The following HECW1 variants were observed in gnomAD, a reference collection of about 807,000 sequenced individuals.
HECW1 encodes HECT, C2 and WW domain containing E3 ubiquitin protein ligase 1, also known as E3 ubiquitin-protein ligase HECW1.
In HECW1, 61 loss-of-function variants were observed where a neutral mutation model predicts 182.3. The observed-to-expected ratio is 0.33, with a 90% CI of 0.27 to 0.41. The LOEUF (loss-of-function observed/expected upper bound fraction) is 0.41. Ranked by LOEUF, HECW1 falls within the 10% of genes least tolerant of loss-of-function variation. The pLI, the probability that HECW1 is intolerant of heterozygous loss-of-function variation, is 1.00. For synonymous variants in HECW1, 859 were observed against 832.6 expected, an observed-to-expected ratio of 1.03 and a Z score of -0.55; for missense variants, 1,739 against 2,108.9, an observed-to-expected ratio of 0.82 and a Z score of 3.44.
intron 2 of HECW1, among the ~76,000 whole-genome samples, chr7:43,226,047 A>G (rs993788255): frequency 6.6e-6 from 1 of 152,200 alleles, no homozygotes; most frequent in Non-Finnish European, 1.5e-5. Flanking sequence ...TACTGGGATT[A>G]TAGGTGTCAC....
chr7:43,435,966 C>T (rs2076697892), intron 8 of HECW1, among the ~76,000 whole-genome samples: 1 of 152,064 alleles, frequency 6.6e-6, no homozygotes, highest in Admixed American at 6.5e-5. Flanking sequence ...AGATGGAGAC[C>T]ATCCTGGCTA....
At chr7:43,388,712 T>C (rs2074899557) in intron 6 of HECW1, among the ~76,000 whole-genome samples, 1 of 152,184 alleles carries the variant, frequency 6.6e-6, no homozygotes, top group South Asian at 2.1e-4. Context: ...AACCTCTGCC[T>C]CCTGGGCTCA....
intron 2 of HECW1, among the ~76,000 whole-genome samples, chr7:43,190,125 G>C (rs944362686): frequency 1.3e-5 from 2 of 152,168 alleles, no homozygotes; most frequent in East Asian, 1.9e-4. Flanking sequence ...TTGTTTGTTT[G>C]TTTTTTGAGA....
At chr7:43,514,268 A>T (rs1347937410) in intron 24 of HECW1, among the ~76,000 whole-genome samples, 1 of 151,756 alleles carries the variant, frequency 6.6e-6, no homozygotes, top group East Asian at 1.9e-4. Context: ...AAGTCTTGGA[A>T]TACTATTCCA....
intron 5 of HECW1, among the ~76,000 whole-genome samples, chr7:43,345,659 A>G (rs957367891): frequency 1.3e-5 from 2 of 152,080 alleles, no homozygotes; most frequent in Non-Finnish European, 2.9e-5. Context: ...CAGCTCCCAC[A>G]TATCAGTGAG....
intron 2 of HECW1, among the ~76,000 whole-genome samples, chr7:43,125,145 T>C (rs1479465136): frequency 6.6e-6 from 1 of 152,126 alleles, no homozygotes; most frequent in Non-Finnish European, 1.5e-5. Context: ...GGGCCTCTTT[T>C]ATAAGGGAAC....
At chr7:43,336,164 C>CTCTCTCTCTCTCTCTCTCTCTT (rs1812240873) in intron 5 of HECW1, among the ~76,000 whole-genome samples, 1 of 109,872 alleles carries the variant, frequency 9.1e-6, no homozygotes, top group African/African-American at 4.4e-5. Context: ...CTCTCTCTCT[C>CTCTCTCTCTCTCTCTCTCTCTT]TCTCTCTCTC....
At chr7:43,419,422 A>G (rs1348852763) in intron 8 of HECW1, among the ~76,000 whole-genome samples, 1 of 152,210 alleles carries the variant, frequency 6.6e-6, no homozygotes, top group Non-Finnish European at 1.5e-5. Context: ...CAACAAATGT[A>G]TTTTGTAGCA....
chr7:43,421,550 G>T (rs1562957960), intron 8 of HECW1, among the ~76,000 whole-genome samples: 1 of 152,106 alleles, frequency 6.6e-6, no homozygotes, highest in Admixed American at 6.6e-5. Flanking sequence ...CTAATATCTA[G>T]ACTATAAATA....
At chr7:43,373,451 C>G (rs370825288) in intron 6 of HECW1, among the ~76,000 whole-genome samples, 4 of 152,238 alleles carry the variant, frequency 2.6e-5, no homozygotes, top group African/African-American at 9.6e-5. Context: ...AGCCACCATG[C>G]CCGGCTCCTT....
intron 17 of HECW1, among the ~76,000 whole-genome samples, chr7:43,487,973 A>C (rs1196474168): frequency 1.3e-5 from 2 of 150,408 alleles, no homozygotes; most frequent in Non-Finnish European, 3.0e-5. Flanking sequence ...GAAGAGAGAG[A>C]GAGAGAGAGA....
chr7:43,377,530 T>C (rs2074379729), intron 6 of HECW1, among the ~76,000 whole-genome samples: 1 of 152,148 alleles, frequency 6.6e-6, no homozygotes, highest in African/African-American at 2.4e-5. Flanking sequence ...GTGCTGTAGA[T>C]TAAGACAGGA....
intron 6 of HECW1, among the ~76,000 whole-genome samples, chr7:43,361,815 C>CT (rs397890047): frequency 0.15 from 11,506 of 77,874 alleles, 1,527 homozygotes; most frequent in Non-Finnish European, 0.21. Context: ...AAGACTCTCT[C>CT]TTTTTTTTTT....
At chr7:43,237,650 T>G (rs1040268240) in intron 2 of HECW1, among the ~76,000 whole-genome samples, 1 of 152,220 alleles carries the variant, frequency 6.6e-6, no homozygotes, top group Non-Finnish European at 1.5e-5. Context: ...TTTACCATTG[T>G]ATCTGCAGCT....
At chr7:43,285,667 C>G (rs555530243) in intron 3 of HECW1, among the ~76,000 whole-genome samples, 1 of 152,130 alleles carries the variant, frequency 6.6e-6, no homozygotes, top group South Asian at 2.1e-4. Context: ...TTAAAAATAG[C>G]TGGGTGTGGT....
At chr7:43,264,077 T>C (rs1584239849) in intron 3 of HECW1, among the ~76,000 whole-genome samples, 1 of 152,248 alleles carries the variant, frequency 6.6e-6, no homozygotes, top group Non-Finnish European at 1.5e-5. Flanking sequence ...CATCCTTACA[T>C]AGTTATTTTT....
At chr7:43,286,839 T>C (rs1804702633) in intron 3 of HECW1, among the ~76,000 whole-genome samples, 1 of 152,226 alleles carries the variant, frequency 6.6e-6, no homozygotes. Context: ...CTGCCTTTTG[T>C]TGAAGCACCC....
At chr7:43,519,728 A>G (rs2080361296) in intron 24 of HECW1, among the ~76,000 whole-genome samples, 1 of 152,254 alleles carries the variant, frequency 6.6e-6, no homozygotes, top group African/African-American at 2.4e-5. Flanking sequence ...AGACTGAATT[A>G]GAACCTTACC....
intron 3 of HECW1, chr7:43,274,135 G>A: frequency 2.5e-6 from 1 of 404,652 alleles, no homozygotes; most frequent in Non-Finnish European, 4.4e-6. Context: ...AAGCGCGGGT[G>A]GCGGCAGGCA....
Sources: allele counts gnomAD v4.1 joint callset (sites outside exome capture counted in the v4.1 genomes callset), GRCh38; gene constraint gnomAD v4.1.1; transcripts MANE v1.5; gene names NCBI Gene and HGNC (gene_info 2026-07-23, HGNC 2026-07-21).